The following EDN1 variants were observed in gnomAD, a reference collection of about 807,000 sequenced individuals.
EDN1 encodes the protein endothelin 1.
In EDN1, 11 loss-of-function variants were observed where a neutral mutation model predicts 21.7. That is an observed-to-expected ratio of 0.51 (90% CI 0.32 to 0.84). EDN1 has a LOEUF of 0.84. Ranked by LOEUF, EDN1 falls within the 40% of genes least tolerant of loss-of-function variation. The probability of loss-of-function intolerance (pLI) is 0.03; values close to 1 mark genes in which losing one functional copy is unlikely to be tolerated. For missense variants in EDN1, 244 were observed against 262.3 expected (o/e 0.93, Z 0.48); for synonymous variants, 85 against 90.6 (o/e 0.94, Z 0.35).
upstream of EDN1, among the ~76,000 whole-genome samples, chr6:12,287,712 TCACACACACACACACACACACA>T (rs66467626): frequency 9.7e-6 from 1 of 103,050 alleles, no homozygotes; most frequent in African/African-American, 3.8e-5. Context: ...TCTCTCTCTC[TCACACACACACACACACACACA>T]CACACACACA....
the EDN1 span, among the ~76,000 whole-genome samples, chr6:12,251,654 A>C: frequency 6.6e-6 from 1 of 152,184 alleles, no homozygotes; most frequent in Non-Finnish European, 1.5e-5. Flanking sequence ...TAAGACAACA[A>C]AACTGGCTGA....
At chr6:12,235,518 G>A in the EDN1 span, among the ~76,000 whole-genome samples, 5 of 152,130 alleles carry the variant, frequency 3.3e-5, no homozygotes, top group Admixed American at 1.3e-4. Flanking sequence ...TGCCATGAAC[G>A]GTCTCCCCTT....
At chr6:12,279,796 A>G in the EDN1 span, among the ~76,000 whole-genome samples, 1 of 152,208 alleles carries the variant, frequency 6.6e-6, no homozygotes, top group Non-Finnish European at 1.5e-5. Flanking sequence ...CAAAAAGGAA[A>G]ATCCAGCATG....
chr6:12,268,557 T>C, the EDN1 span, among the ~76,000 whole-genome samples: 15 of 152,292 alleles, frequency 9.8e-5, no homozygotes, highest in Non-Finnish European at 2.1e-4. Context: ...CCTGGCACCA[T>C]TTGTTGAAGA....
the EDN1 span, among the ~76,000 whole-genome samples, chr6:12,234,050 G>A: frequency 3.9e-5 from 6 of 152,188 alleles, no homozygotes; most frequent in African/African-American, 1.2e-4. Flanking sequence ...CAGTCAGAGA[G>A]GCCAGGAGCC....
At chr6:12,253,701 C>A in the EDN1 span, among the ~76,000 whole-genome samples, 1 of 152,086 alleles carries the variant, frequency 6.6e-6, no homozygotes, top group Non-Finnish European at 1.5e-5. Context: ...CATACTACTA[C>A]TACTAATAAT....
At chr6:12,273,657 C>T in the EDN1 span, among the ~76,000 whole-genome samples, 1 of 121,450 alleles carries the variant, frequency 8.2e-6, no homozygotes, top group Admixed American at 1.0e-4. Flanking sequence ...AGTTCCTAGT[C>T]CTAACAGTAG....
At chr6:12,265,707 T>C in the EDN1 span, among the ~76,000 whole-genome samples, 1 of 152,244 alleles carries the variant, frequency 6.6e-6, no homozygotes, top group Non-Finnish European at 1.5e-5. Flanking sequence ...CACGATCCAT[T>C]TTGTTTTACT....
chr6:12,278,283 T>C, the EDN1 span, among the ~76,000 whole-genome samples: 2 of 152,204 alleles, frequency 1.3e-5, no homozygotes, highest in African/African-American at 4.8e-5. Context: ...TTATTGAATA[T>C]TCTTCCCAGA....
chr6:12,296,215 C>A lies in EDN1; in HGVS notation c.*148C>A. The A allele has an allele frequency of 2.7e-6, 2 of 737,140 alleles. No individual in the cohort carries two copies. The highest frequency in any genetic ancestry group is 2.9e-5 in the South Asian group (2 of 69,618). The allele number at this position is 737,140 out of a possible 1,614,324, so 45.7% of individuals were successfully genotyped here. A position where few individuals can be genotyped will look rare whatever the true frequency, so the allele number is the denominator to read the frequency against. On this transcript the variant is annotated 3_prime_UTR_variant, in exon 5 of 5. Coordinates refer to ENST00000379375, the MANE Select transcript of EDN1 (RefSeq NM_001955.5). ...GACCAGCGTCCTCGTTCAAAACATT[C>A]CAAGAAAGGTTAAGGAGTTCCCCCA...
the EDN1 span, among the ~76,000 whole-genome samples, chr6:12,262,626 C>CT: frequency 6.6e-6 from 1 of 152,152 alleles, no homozygotes; most frequent in African/African-American, 2.4e-5. Flanking sequence ...AATCCCAGCA[C>CT]TTTGGGAGGC....
the EDN1 span, among the ~76,000 whole-genome samples, chr6:12,233,605 C>T: frequency 5.4e-4 from 82 of 152,156 alleles, 1 homozygote; most frequent in African/African-American, 1.9e-3. Context: ...TATACAGAGC[C>T]GACCGCATGG....
At chr6:12,249,773 A>G in the EDN1 span, among the ~76,000 whole-genome samples, 1 of 152,096 alleles carries the variant, frequency 6.6e-6, no homozygotes, top group Non-Finnish European at 1.5e-5. Flanking sequence ...TGGTAAGCCT[A>G]TGGGTGTGTT....
upstream of EDN1, among the ~76,000 whole-genome samples, chr6:12,289,520 CT>C (rs1561691865): frequency 6.6e-6 from 1 of 152,198 alleles, no homozygotes; most frequent in Non-Finnish European, 1.5e-5. Flanking sequence ...TCATCTCCCC[CT>C]GGTGTTCTTC....
chr6:12,253,374 A>G, the EDN1 span, among the ~76,000 whole-genome samples: 1 of 152,234 alleles, frequency 6.6e-6, no homozygotes, highest in African/African-American at 2.4e-5. Flanking sequence ...AATTAAGCAG[A>G]ATGCAAAGTC....
chr6:12,237,730 A>T, the EDN1 span, among the ~76,000 whole-genome samples: 1 of 152,278 alleles, frequency 6.6e-6, no homozygotes, highest in East Asian at 1.9e-4. Flanking sequence ...CTCCAGTTGA[A>T]GAATGTTTCA....
In EDN1 at chr6:12,293,968, C is replaced by A; in HGVS notation, c.261C>A (p.Ser87Arg). 1 of 1,614,158 alleles carries A rather than the reference C, an allele frequency of 6.2e-7. No individual in the cohort carries two copies. Residue 87 changes from serine (S) to arginine (R), a missense_variant, in exon 3 of 5, where the codon AGC (serine) becomes AGA (arginine). By Grantham distance (110) the Ser-to-Arg change is moderately radical. Transcript: ENST00000379375. ...ACGTTGTTCCGTATGGACTTGGAAG[C>A]CCTAGGTCCAAGAGAGCCTTGGAGA... ...PEHVVPYGLG[S>R]PRSKRALENL...
upstream of EDN1, among the ~76,000 whole-genome samples, chr6:12,285,935 G>T (rs1288710872): frequency 1.3e-5 from 2 of 152,120 alleles, no homozygotes; most frequent in Non-Finnish European, 2.9e-5. Flanking sequence ...ATGATTTCAT[G>T]TAGTTTTTTT....
upstream of EDN1, chr6:12,290,318 A>T: frequency 2.4e-6 from 1 of 418,998 alleles, no homozygotes; most frequent in South Asian, 2.2e-5. Context: ...CCCCACTCTA[A>T]TAGGGGTTCA....
Sources: gnomAD v4.1 joint callset for allele counts (sites outside exome capture counted in the v4.1 genomes callset) on GRCh38, gnomAD v4.1.1 for gene constraint, MANE v1.5 for transcripts, NCBI Gene and HGNC (gene_info 2026-07-23, HGNC 2026-07-21) for gene names.